ADGRF1: variants seen among roughly 807,000 people sequenced by gnomAD.
The protein encoded by ADGRF1 is adhesion G protein-coupled receptor F1, also known as G protein-coupled receptor 110.
ADGRF1 carries 85 observed loss-of-function variants against 87.2 expected under a neutral mutation model. That is an observed-to-expected ratio of 0.97 (90% CI 0.82 to 1.17). The LOEUF (loss-of-function observed/expected upper bound fraction) is 1.17. Among genes scored for constraint, ADGRF1 ranks in the 50% most tolerant of loss-of-function variants. ADGRF1 has a pLI of 0.00. For synonymous variants in ADGRF1, 430 were observed against 408.8 expected (o/e 1.05, Z -0.63); for missense variants, 1,169 against 1,077.2 (o/e 1.09, Z -1.19).
At chr6:47,008,441 C>A (rs552993575) in intron 11 of ADGRF1, among the ~76,000 whole-genome samples, 2 of 152,246 alleles carry the variant, frequency 1.3e-5, no homozygotes, top group African/African-American at 4.8e-5. Context: ...AACTACTCAA[C>A]TCTGCCATTG....
rs755738170 is a variant in ADGRF1, at chr6:47,009,617, G to T, written c.1818C>A (p.Ile606=). The change falls in exon 11 of 15, where the codon ATC becomes ATA. Residue 606 remains isoleucine, a synonymous_variant. Transcript: ENST00000371253. ...SIGSLILCLI[I]EALFWKQIKK... is the part of the protein sequence containing the mutation. ...TAATCTGCTTCCAAAACAAAGCCTC[G>T]ATGATCAGGCATAAAATGAGACTTC... is the stretch of plus-strand genomic sequence containing the variant. 1 of 1,614,122 alleles carries T rather than the reference G, an allele frequency of 6.2e-7. No homozygotes were observed. Among genetic ancestry groups the T allele is most frequent in the Non-Finnish European group, 8.5e-7 (1 of 1,180,010 alleles).
Position 47,016,767 on chromosome 6 carries a change from T to C in ADGRF1, c.613A>G (p.Asn205Asp). ...FESVQVTQFR[N>D]GSIVAGYEVV... ...TCATACCCAGCAACGATGCTTCCATTTCTGCAGTGATTATGGGGAAAGAGA... is the reference window on the plus strand; with the variant it reads ...TCATACCCAGCAACGATGCTTCCATCTCTGCAGTGATTATGGGGAAAGAGA... Residue 205 changes from asparagine (N) to aspartate (D), a missense_variant and splice_region_variant, in exon 8 of 15, where the codon AAT becomes GAT. Physicochemically the swap from Asn to Asp is conservative, Grantham distance 23. Transcript: ENST00000371253. 1.3e-6 allele frequency: 2 copies of C among 1,581,410 alleles called. No individual in the cohort carries two copies.
Position 47,028,632 on chromosome 6 carries a change from C to A in ADGRF1, c.69+361G>T, listed in dbSNP as rs116073148. On this transcript the variant is annotated intron_variant, in intron 2 of 14. Coordinates refer to ENST00000371253, the MANE Select transcript of ADGRF1 (RefSeq NM_153840.4). ...CATGATCCTAGATGAAAGCATCACT[C>A]AAGCGAGTGTAGACAGGAAAGACAG... 1.8e-3 allele frequency among the ~76,000 whole-genome samples: 277 copies of A among 152,246 alleles called. 1 individual carries two copies. The highest frequency in any genetic ancestry group is 6.1e-3 in the African/African-American group (253 of 41,544).
In ADGRF1 at chr6:47,009,797, A is replaced by T; in HGVS notation, c.1638T>A (p.Asp546Glu). The T allele has an allele frequency of 1.2e-6, 2 of 1,614,176 alleles. No individual in the cohort carries two copies. The highest frequency in any genetic ancestry group is 1.7e-6 in the Non-Finnish European group (2 of 1,180,022). ...FWDFSHLQWN[D>E]AGCHLVNETQ... ...TTTCATTCACTAGGTGGCAGCCTGCATCGTTCCACTGCAAATGACTGAAAT... is the reference window on the plus strand; with the variant it reads ...TTTCATTCACTAGGTGGCAGCCTGCTTCGTTCCACTGCAAATGACTGAAAT... The change falls in exon 11 of 15, where the codon GAT becomes GAA. Residue 546 changes from aspartate (D) to glutamate (E), a missense_variant. Physicochemically the swap from Asp to Glu is conservative, Grantham distance 45. Transcript: ENST00000371253.
In ADGRF1 at chr6:47,001,539, G is replaced by T. The variant is rs767735407; in HGVS notation, c.2621C>A (p.Pro874His). Residue 874 changes from proline to histidine, a missense_variant, in exon 14 of 15, where the codon CCC becomes CAC. Transcript: ENST00000371253. ...TGGGTTGAAAGGCTTTGAGAATTTG[G>T]GTTTGGCAGATAAATCTGATGAGTT... ...KQNSSDLSAK[P>H]KFSKPFNPLQ... The T allele has an allele frequency of 1.9e-6, 3 of 1,613,656 alleles. No homozygotes were observed. In the East Asian group the frequency reaches 6.7e-5, roughly 36 times the overall value.
In ADGRF1 at chr6:47,024,166, G is replaced by A. The variant is rs1561876440; in HGVS notation, c.329C>T (p.Thr110Ile). Residue 110 changes from threonine (T) to isoleucine (I), a missense_variant, in exon 5 of 15, where the codon ACC becomes ATC. Transcript: ENST00000371253. The stretch of plus-strand genomic sequence containing the variant: ...ATCAAGGCATGAGGGAGGAAACCAG[G>A]TGTAGCTGTCTTCACAGGTACACTG... ...VLQCTCEDSY[T>I]WFPPSCLDPQ... 1.2e-6 allele frequency: 2 copies of A among 1,614,052 alleles called. No homozygotes were observed. Among genetic ancestry groups the A allele is most frequent in the South Asian group, 1.1e-5 (1 of 91,074 alleles).
intron 12 of ADGRF1, 84 bp downstream of exon 12, chr6:47,007,169 T>C: frequency 1.3e-6 from 1 of 753,410 alleles, no homozygotes; most frequent in Non-Finnish European, 2.2e-6. Context: ...CACCTCTTAT[T>C]ATATGAATAA....
intron 9 of ADGRF1, 35 bp from the exon 10 acceptor site, chr6:47,012,230 T>C (rs1779729765): frequency 2.5e-6 from 4 of 1,596,740 alleles, no homozygotes; most frequent in Non-Finnish European, 2.6e-6. Context: ...TAGAAAACAA[T>C]GACATGCTGT....
At chr6:47,007,695 T>A (rs1308243916) in intron 11 of ADGRF1, among the ~76,000 whole-genome samples, 1 of 152,206 alleles carries the variant, frequency 6.6e-6, no homozygotes, top group Non-Finnish European at 1.5e-5. Flanking sequence ...TATGGCCAAG[T>A]GGAGGGATTT....
chr6:47,038,764 T>G (rs530200728), intron 1 of ADGRF1, among the ~76,000 whole-genome samples: 12 of 152,378 alleles, frequency 7.9e-5, no homozygotes, highest in African/African-American at 2.6e-4. Flanking sequence ...AAAATTCTAC[T>G]GCTATCTACA....
In ADGRF1 at chr6:47,009,551, C is replaced by G. The variant is rs1381352394; in HGVS notation, c.1884G>C (p.Val628=). 1 of 1,614,020 alleles carries G rather than the reference C, an allele frequency of 6.2e-7. No individual in the cohort carries two copies. Among genetic ancestry groups the G allele is most frequent in the Admixed American group, 1.7e-5 (1 of 59,990 alleles). Residue 628 remains valine, a synonymous_variant, in exon 11 of 15, where the codon GTG becomes GTC. Coordinates refer to ENST00000371253, the MANE Select transcript of ADGRF1 (RefSeq NM_153840.4). ...CAATCAAGAGGGACAGGGCTATGTT[C>G]ACCATGCAAATACGACGTGTGTGAG... The part of the protein sequence containing the change: ...QTSHTRRICM[V]NIALSLLIAD...
intron 1 of ADGRF1, among the ~76,000 whole-genome samples, chr6:47,035,950 G>T (rs1169350720): frequency 6.6e-6 from 1 of 152,146 alleles, no homozygotes; most frequent in Non-Finnish European, 1.5e-5. Context: ...TACCTATTGG[G>T]CTGGGCGCGA....
intron 1 of ADGRF1, among the ~76,000 whole-genome samples, chr6:47,041,295 G>A (rs1317717412): frequency 2.0e-5 from 3 of 152,178 alleles, no homozygotes; most frequent in Non-Finnish European, 4.4e-5. Flanking sequence ...ACATATTAAA[G>A]AATGTACTTT....
At chr6:47,021,916 T>C (rs1233190114) in intron 6 of ADGRF1, 42 bp downstream of exon 6, 1 of 1,032,244 alleles carries the variant, frequency 9.7e-7, no homozygotes, top group Admixed American at 2.1e-5. Context: ...TGAACTTGAG[T>C]GTAGCAAACG....
rs1582157648 is a variant in ADGRF1, at chr6:47,015,738, C to T, written c.763+879G>A. ...GAGTAGCTGGGATTACAGGTGTGTG[C>T]CACCACGCCTGGCTAATTTTTTTTT... is the stretch of plus-strand genomic sequence containing the variant. On this transcript the variant is annotated intron_variant, in intron 8 of 14. Coordinates refer to ENST00000371253, the MANE Select transcript of ADGRF1 (RefSeq NM_153840.4). Among the ~76,000 whole-genome samples, 5 of 147,458 alleles carry T rather than the reference C, an allele frequency of 3.4e-5. No individual in the cohort carries two copies. In the South Asian group the frequency reaches 1.1e-3, roughly 34 times the overall value.
In ADGRF1 at chr6:47,036,393, T is replaced by C. The variant is rs532218277; in HGVS notation, c.-44+5798A>G. ...GCACACGTACCCCCTGATGCTAAAA[T>C]AAAAGTTGAAATTACACAAGAAAAA... On this transcript the variant is annotated intron_variant, in intron 1 of 14. Transcript: ENST00000371253. Among the ~76,000 whole-genome samples the C allele has an allele frequency of 2.4e-4, 37 of 152,176 alleles. No individual in the cohort carries two copies. The South Asian group carries it at 7.1e-3, about 29-fold the overall frequency.
intron 9 of ADGRF1, chr6:47,013,083 A>T: frequency 1.0e-6 from 1 of 985,358 alleles, no homozygotes; most frequent in South Asian, 4.7e-5. Flanking sequence ...TAGATTTGGA[A>T]TTTTACTTCT....
At chr6:47,026,098 A>G in intron 3 of ADGRF1, 95 bp from the exon 4 acceptor site, 6 of 1,101,084 alleles carry the variant, frequency 5.4e-6, no homozygotes, top group South Asian at 1.7e-5. Flanking sequence ...AATTTAGGTC[A>G]GGGACTCTAC....
intron 7 of ADGRF1, chr6:47,020,163 A>G: frequency 8.8e-7 from 1 of 1,132,132 alleles, no homozygotes; most frequent in East Asian, 4.7e-5. Context: ...TTGTAGTTCT[A>G]CTCACTGACC....
Sources: allele counts gnomAD v4.1 joint callset (sites outside exome capture counted in the v4.1 genomes callset), GRCh38; gene constraint gnomAD v4.1.1; transcripts MANE v1.5; gene names NCBI Gene and HGNC (gene_info 2026-07-23, HGNC 2026-07-21).